Variants in UGGT2 observed in about 807,000 individuals in gnomAD.
UGGT2 encodes UDP-glucose glycoprotein glucosyltransferase 2.
UGGT2 carries 180 observed loss-of-function variants against 192.1 expected under a neutral mutation model. The observed-to-expected ratio is 0.94, with a 90% CI of 0.83 to 1.06. The LOEUF (loss-of-function observed/expected upper bound fraction) is 1.06. Ranked by LOEUF, UGGT2 falls within the 50% of genes least tolerant of loss-of-function variation. The probability of loss-of-function intolerance (pLI) is 0.00; values close to 1 mark genes in which losing one functional copy is unlikely to be tolerated. For synonymous variants in UGGT2, 580 were observed against 591.0 expected (o/e 0.98, Z 0.27); for missense variants, 1,849 against 1,795.7 (o/e 1.03, Z -0.54).
At chr13:96,010,792 G>C (rs886911330) in intron 5 of UGGT2, among the ~76,000 whole-genome samples, 1 of 152,112 alleles carries the variant, frequency 6.6e-6, no homozygotes, top group African/African-American at 2.4e-5. Flanking sequence ...CACAAGAAGA[G>C]ACAAAGGAAT....
chr13:96,048,948 T>C (rs772313783), intron 1 of UGGT2, among the ~76,000 whole-genome samples: 14 of 148,764 alleles, frequency 9.4e-5, no homozygotes, highest in Non-Finnish European at 2.0e-4. Context: ...TTCCAATTGA[T>C]ACAAAAAAAG....
At chr13:95,834,133 G>A (rs750814612) in intron 37 of UGGT2, among the ~76,000 whole-genome samples, 21 of 151,480 alleles carry the variant, frequency 1.4e-4, no homozygotes, top group Admixed American at 5.3e-4. Context: ...GAAGATAATG[G>A]GACTAATTCT....
chr13:95,946,254 C>G lies in UGGT2; in HGVS notation c.1677+783G>C, dbSNP rs374285901. On this transcript the variant is annotated intron_variant, in intron 15 of 38. Coordinates refer to ENST00000376747, the MANE Select transcript of UGGT2 (RefSeq NM_020121.4). ...TGTTATATGATCTCTTTGTCAGATT[C>G]TGTATCAACCTTACCTCTTTCACAC... Among the ~76,000 whole-genome samples, 9 of 152,276 alleles carry G rather than the reference C, an allele frequency of 5.9e-5. No homozygotes were observed. The South Asian group carries it at 1.9e-3, about 32-fold the overall frequency.
intron 38 of UGGT2, among the ~76,000 whole-genome samples, chr13:95,831,482 A>G (rs909920802): frequency 6.6e-6 from 1 of 152,066 alleles, no homozygotes; most frequent in East Asian, 1.9e-4. Flanking sequence ...GCTACACTGT[A>G]TTTCATTGTT....
At chr13:96,045,592 G>T (rs913887872) in intron 1 of UGGT2, among the ~76,000 whole-genome samples, 2 of 152,104 alleles carry the variant, frequency 1.3e-5, no homozygotes, top group African/African-American at 4.8e-5. Context: ...AAACCCCAAA[G>T]ACTCCTCCAA....
chr13:95,829,332 G>A (rs1266005357), intron 38 of UGGT2, among the ~76,000 whole-genome samples: 2 of 152,108 alleles, frequency 1.3e-5, no homozygotes, highest in African/African-American at 4.8e-5. Context: ...CAATCAGGCA[G>A]GAGAAAGAAA....
Position 96,045,070 on chromosome 13 carries a change from T to C in UGGT2, c.158+8085A>G, listed in dbSNP as rs558517646. Among the ~76,000 whole-genome samples the C allele has an allele frequency of 2.2e-4, 33 of 152,230 alleles. No homozygotes were observed. In the South Asian group the frequency reaches 2.3e-3, roughly 11 times the overall value. ...GGAAACTACATACCAATATCCCTGA[T>C]GAACACAGATGTAAAAATCCTTAAC... is the stretch of plus-strand genomic sequence containing the variant. On this transcript the variant is annotated intron_variant, in intron 1 of 38. Coordinates refer to ENST00000376747, the MANE Select transcript of UGGT2 (RefSeq NM_020121.4).
chr13:95,939,977 T>C lies in UGGT2; in HGVS notation c.1792A>G (p.Lys598Glu). ...CTTACCTTTCTTTCTTCATCATATT[T>C]AGAATGAATTCCCAAAATATCCCAA... ...NIWDILGIHSKYDEERKAGAS... is the reference protein window; with the variant it reads ...NIWDILGIHSEYDEERKAGAS... Residue 598 changes from lysine (K) to glutamate (E), a missense_variant, in exon 16 of 39, where the codon AAA (lysine) becomes GAA (glutamate). Coordinates refer to ENST00000376747, the MANE Select transcript of UGGT2 (RefSeq NM_020121.4). 1.2e-6 allele frequency: 2 copies of C among 1,600,580 alleles called. No homozygotes were observed. The highest frequency in any genetic ancestry group is 1.7e-6 in the Non-Finnish European group (2 of 1,175,112).
intron 5 of UGGT2, among the ~76,000 whole-genome samples, chr13:96,000,399 T>A (rs1312378970): frequency 6.6e-6 from 1 of 152,220 alleles, no homozygotes; most frequent in Non-Finnish European, 1.5e-5. Flanking sequence ...TATGTAAAAG[T>A]TAGCTTCAGC....
chr13:95,987,345 C>G (rs1346120317), intron 8 of UGGT2, among the ~76,000 whole-genome samples: 1 of 152,062 alleles, frequency 6.6e-6, no homozygotes, highest in Non-Finnish European at 1.5e-5. Context: ...ACCTAGATTT[C>G]TTGCTTTTAG....
At position 95,927,248 on chromosome 13, in the gene UGGT2, G is replaced by C; in HGVS notation, c.2066C>G (p.Thr689Ser). The change falls in exon 18 of 39, where the codon ACT becomes AGT. Residue 689 changes from threonine to serine, a missense_variant. Physicochemically the swap from Thr to Ser is moderately conservative, Grantham distance 58 (BLOSUM62 1). Coordinates refer to ENST00000376747, the MANE Select transcript of UGGT2 (RefSeq NM_020121.4). ...TATTAAATTGAGGTACTGCTGGTTA[G>C]TACGCAAAATCAAAGTATTTATACG... ...VPRINTLILR[T>S]NQQYLNLIST... is the part of the protein sequence containing the mutation. 6.2e-7 allele frequency: 1 copy of C among 1,612,238 alleles called. No homozygotes were observed. Among genetic ancestry groups the C allele is most frequent in the Non-Finnish European group, 8.5e-7 (1 of 1,178,788 alleles).
Position 95,877,698 on chromosome 13 carries a change from A to C in UGGT2, c.3387T>G (p.His1129Gln). The C allele has an allele frequency of 1.9e-6, 3 of 1,611,102 alleles. No individual in the cohort carries two copies. The highest frequency in any genetic ancestry group is 2.5e-6 in the Non-Finnish European group (3 of 1,178,904). Residue 1129 changes from histidine to glutamine, a missense_variant and splice_region_variant, in exon 28 of 39, where the codon CAT becomes CAG. Transcript: ENST00000376747. ...ACACCATCAATTAAATAATACTTAC[A>C]TGATGTGCCATCACTATTGTATCAA... ...AVVDTIVMAH[H>Q]GYFQLKANPG...
intron 12 of UGGT2, among the ~76,000 whole-genome samples, chr13:95,967,283 G>A (rs938021986): frequency 2.0e-5 from 3 of 151,646 alleles, no homozygotes; most frequent in African/African-American, 7.3e-5. Flanking sequence ...CTCCCAAGTA[G>A]CTGGGACTAC....
intron 8 of UGGT2, chr13:95,989,482 A>T (rs905012264): frequency 5.6e-5 from 14 of 249,058 alleles, no homozygotes; most frequent in African/African-American, 2.1e-4. Flanking sequence ...TTCACAAAAT[A>T]TCTGCTTGTA....
chr13:95,887,619 T>C (rs1368306561), intron 26 of UGGT2, among the ~76,000 whole-genome samples: 1 of 152,194 alleles, frequency 6.6e-6, no homozygotes, highest in Non-Finnish European at 1.5e-5. Flanking sequence ...TCTAAATAGG[T>C]ATTCCTAAAT....
intron 24 of UGGT2, among the ~76,000 whole-genome samples, chr13:95,894,052 T>C (rs2047878907): frequency 6.6e-6 from 1 of 152,140 alleles, no homozygotes; most frequent in Non-Finnish European, 1.5e-5. Flanking sequence ...CTCACACACT[T>C]GCTGCTGATC....
Position 95,927,098 on chromosome 13 carries a change from A to C in UGGT2, c.2130T>G (p.Thr710=). Residue 710 remains threonine (T), a synonymous_variant, in exon 19 of 39, where the codon ACT becomes ACG. Coordinates refer to ENST00000376747, the MANE Select transcript of UGGT2 (RefSeq NM_020121.4). The part of the protein sequence containing the change: ...SVTADVEDFS[T]FFFLDSQDKS... ...TATCTTGTGAATCCAAGAAAAAGAAAGTAGAGAAATCTTCAACATCAGCAG... is the reference window on the plus strand; with the variant it reads ...TATCTTGTGAATCCAAGAAAAAGAACGTAGAGAAATCTTCAACATCAGCAG... 6.2e-7 allele frequency: 1 copy of C among 1,611,618 alleles called. No homozygotes were observed. Among genetic ancestry groups the C allele is most frequent in the Admixed American group, 1.7e-5 (1 of 59,424 alleles).
Position 96,053,033 on chromosome 13 carries a change from A to C in UGGT2, c.158+122T>G, listed in dbSNP as rs553685394. 5.9e-5 allele frequency: 78 copies of C among 1,314,210 alleles called. No homozygotes were observed. The Middle Eastern group carries it at 1.1e-3, about 18-fold the overall frequency. The allele number at this position is 1,314,210 out of a possible 1,614,324, so 81.4% of individuals were successfully genotyped here. On this transcript the variant is annotated intron_variant, in intron 1 of 38. Coordinates refer to ENST00000376747, the MANE Select transcript of UGGT2 (RefSeq NM_020121.4). ...GAAGGAGGTGGTGATGCTCAGGGCC[A>C]GAGCGGGGGCGTCTGGAGAACCCGG...
At chr13:95,928,381 G>A (rs1232697909) in intron 17 of UGGT2, among the ~76,000 whole-genome samples, 2 of 99,942 alleles carry the variant, frequency 2.0e-5, no homozygotes, top group Non-Finnish European at 5.2e-5. Context: ...GGGCGGAGAC[G>A]CTCCTCACTT....
Sources: allele counts gnomAD v4.1 joint callset (sites outside exome capture counted in the v4.1 genomes callset), GRCh38; gene constraint gnomAD v4.1.1; transcripts MANE v1.5; gene names NCBI Gene and HGNC (gene_info 2026-07-23, HGNC 2026-07-21).